The following SRRM4 variants were observed in gnomAD, a reference collection of about 807,000 sequenced individuals.
SRRM4 encodes serine/arginine repetitive matrix 4, also known as serine/arginine repetitive matrix protein 4.
SRRM4 carries 33 observed loss-of-function variants against 68.9 expected under a neutral mutation model. The observed-to-expected ratio is 0.48, with a 90% CI of 0.36 to 0.64. SRRM4 has a LOEUF of 0.64. Ranked by LOEUF, SRRM4 falls within the 30% of genes least tolerant of loss-of-function variation. SRRM4 has a pLI of 0.00. For missense variants in SRRM4, 817 were observed against 827.1 expected (o/e 0.99, Z 0.15); for synonymous variants, 318 against 318.8 (o/e 1.00, Z 0.03).
At chr12:119,047,042 A>AAT (rs1278067854) in intron 1 of SRRM4, among the ~76,000 whole-genome samples, 1 of 151,442 alleles carries the variant, frequency 6.6e-6, no homozygotes, top group Non-Finnish European at 1.5e-5. Context: ...AAAAAAAAAA[A>AAT]AAAAAAAGTG....
At chr12:118,982,954 TCAA>T (rs1953259810) in intron 1 of SRRM4, among the ~76,000 whole-genome samples, 1 of 152,080 alleles carries the variant, frequency 6.6e-6, no homozygotes, top group African/African-American at 2.4e-5. Context: ...TCAGGGAAAA[TCAA>T]GGTAGTATGA....
At chr12:118,984,470 AG>A (rs1375106885) in intron 1 of SRRM4, among the ~76,000 whole-genome samples, 1 of 152,162 alleles carries the variant, frequency 6.6e-6, no homozygotes, top group Non-Finnish European at 1.5e-5. Context: ...AGCAGTCTGC[AG>A]GGGGATGGCA....
chr12:119,134,586 A>G (rs1335782799), intron 8 of SRRM4, among the ~76,000 whole-genome samples: 1 of 152,128 alleles, frequency 6.6e-6, no homozygotes, highest in Non-Finnish European at 1.5e-5. Context: ...AGGCCCTGTC[A>G]TTACCTCACC....
intron 1 of SRRM4, among the ~76,000 whole-genome samples, chr12:118,997,958 G>T (rs556191979): frequency 6.6e-6 from 1 of 152,024 alleles, no homozygotes; most frequent in African/African-American, 2.4e-5. Flanking sequence ...TAACTACCAC[G>T]TCCTACTGAC....
At chr12:119,127,702 T>C (rs1954270143) in intron 7 of SRRM4, among the ~76,000 whole-genome samples, 1 of 146,678 alleles carries the variant, frequency 6.8e-6, no homozygotes, top group South Asian at 2.2e-4. Context: ...CACTCCAGCC[T>C]GGGTGACAAA....
intron 1 of SRRM4, among the ~76,000 whole-genome samples, chr12:118,997,206 G>T (rs922995526): frequency 6.6e-6 from 1 of 152,368 alleles, no homozygotes; most frequent in East Asian, 1.9e-4. Context: ...AATGAGGAAG[G>T]TGTTGGGAGG....
intron 1 of SRRM4, among the ~76,000 whole-genome samples, chr12:119,078,386 C>A (rs1283877447): frequency 6.6e-6 from 1 of 152,120 alleles, no homozygotes. Flanking sequence ...TTAATGGGGG[C>A]AGGATGTCTG....
intron 1 of SRRM4, among the ~76,000 whole-genome samples, chr12:118,993,653 C>T (rs1953331320): frequency 6.6e-6 from 1 of 152,156 alleles, no homozygotes; most frequent in Admixed American, 6.5e-5. Flanking sequence ...GAAAAGACAC[C>T]TTGACAACCA....
At chr12:119,064,415 A>G (rs1468503572) in intron 1 of SRRM4, among the ~76,000 whole-genome samples, 1 of 152,234 alleles carries the variant, frequency 6.6e-6, no homozygotes, top group Non-Finnish European at 1.5e-5. Flanking sequence ...AAAAATGCAC[A>G]CATATAATTT....
chr12:119,093,847 T>C (rs1454344606), intron 1 of SRRM4, among the ~76,000 whole-genome samples: 1 of 152,200 alleles, frequency 6.6e-6, no homozygotes, highest in Admixed American at 6.5e-5. Context: ...AATCCACTTC[T>C]CAGCAGTTTT....
At chr12:119,143,093 G>C (rs1194976965) in intron 8 of SRRM4, among the ~76,000 whole-genome samples, 1 of 152,206 alleles carries the variant, frequency 6.6e-6, no homozygotes, top group Non-Finnish European at 1.5e-5. Flanking sequence ...GCTAAAGCTA[G>C]ACTATCACCT....
chr12:119,126,586 G>A (rs1161168159), intron 7 of SRRM4, among the ~76,000 whole-genome samples: 1 of 152,134 alleles, frequency 6.6e-6, no homozygotes, highest in African/African-American at 2.4e-5. Context: ...TCACTCTAAT[G>A]CCTTTTCAAC....
At chr12:119,098,657 C>T (rs1033266739) in intron 1 of SRRM4, among the ~76,000 whole-genome samples, 2 of 152,136 alleles carry the variant, frequency 1.3e-5, no homozygotes, top group Non-Finnish European at 2.9e-5. Context: ...ATACCACATC[C>T]TAGAAAAGGG....
chr12:119,129,337 G>A (rs1954279608), intron 7 of SRRM4, among the ~76,000 whole-genome samples: 1 of 152,232 alleles, frequency 6.6e-6, no homozygotes, highest in Non-Finnish European at 1.5e-5. Flanking sequence ...CCCTTTCTAA[G>A]AAGTCAGACA....
rs1296996193 is a variant in SRRM4 at position 119,161,540 on chromosome 12, AC to A, written c.*4747del. 6.6e-6 allele frequency: 1 copy of A among 151,530 alleles called. No individual in the cohort carries two copies. The highest frequency in any genetic ancestry group is 1.5e-5 in the Non-Finnish European group (1 of 67,898). The allele number at this position is 151,530 out of a possible 1,614,324, so 9.4% of individuals were successfully genotyped here. A position where few individuals can be genotyped will look rare whatever the true frequency, so the allele number is the denominator to read the frequency against. On this transcript the variant is annotated 3_prime_UTR_variant, in exon 13 of 13. Transcript: ENST00000267260. ...TGCATTGTAAATACCATGATGGGGG[AC>A]CCCCATCAGAACATGGCTTATTTAA...
At chr12:119,070,472 C>T (rs529545501) in intron 1 of SRRM4, among the ~76,000 whole-genome samples, 1 of 152,180 alleles carries the variant, frequency 6.6e-6, no homozygotes, top group African/African-American at 2.4e-5. Context: ...CAGCTTTTGC[C>T]TTGAGGAGCA....
rs528979835 is a variant in SRRM4, at chr12:119,151,571, CA to C, written c.1280+354del. The stretch of plus-strand genomic sequence containing the variant: ...TAACTTCTGCATAGAAAATTATCCC[CA>C]AACTTAGCATCTTTAAAACAAGTGC... On this transcript the variant is annotated intron_variant, in intron 10 of 12. Transcript: ENST00000267260. 4.7e-3 allele frequency among the ~76,000 whole-genome samples: 717 copies of C among 152,268 alleles called. 2 individuals are homozygous for C. Among genetic ancestry groups the C allele is most frequent in the South Asian group, 7.5e-3 (36 of 4,814 alleles).
chr12:119,138,487 T>C (rs945179252), intron 8 of SRRM4, among the ~76,000 whole-genome samples: 9 of 152,292 alleles, frequency 5.9e-5, no homozygotes, highest in African/African-American at 1.9e-4. Flanking sequence ...TACTAGAGAA[T>C]TGATGCTCCA....
rs138534915 is a variant in SRRM4, at chr12:119,080,177, GGAA to G, written c.132-22057_132-22055del. Among the ~76,000 whole-genome samples, 714 of 151,060 alleles carry G rather than the reference GGAA, an allele frequency of 4.7e-3. 1 individual carries two copies. Among genetic ancestry groups the G allele is most frequent in the African/African-American group, 0.015 (622 of 40,994 alleles). On this transcript the variant is annotated intron_variant, in intron 1 of 12. Transcript: ENST00000267260. ...GGACCTCGGTGGTTCTACTCAGGGA[GGAA>G]GGAGGAAGGGTTGGTTTTACATCTT...
Sources: allele counts gnomAD v4.1 joint callset (sites outside exome capture counted in the v4.1 genomes callset), GRCh38; gene constraint gnomAD v4.1.1; transcripts MANE v1.5; gene names NCBI Gene and HGNC (gene_info 2026-07-23, HGNC 2026-07-21).